AP3B1: variants seen among roughly 807,000 people sequenced by gnomAD.
AP3B1 encodes adaptor related protein complex 3 subunit beta 1.
Under a neutral mutation model 132.5 loss-of-function variants are expected in AP3B1, and 61 were observed. That is an observed-to-expected ratio of 0.46 (90% confidence interval 0.37 to 0.57). AP3B1 has a LOEUF of 0.57. Among genes scored for constraint, AP3B1 ranks in the 20% least tolerant of loss-of-function variants. The pLI is 0.00. For missense variants in AP3B1, 1,120 were observed against 1,289.4 expected (o/e 0.87, Z 2.01); for synonymous variants, 388 against 438.3 (o/e 0.89, Z 1.43).
chr5:78,154,982 C>T (rs764037867), intron 14 of AP3B1, among the ~76,000 whole-genome samples: 3 of 152,046 alleles, frequency 2.0e-5, no homozygotes, highest in South Asian at 2.1e-4. Context: ...TTTGGTGAGG[C>T]CATATTTTCC....
At chr5:78,254,086 TATC>T (rs1747755348) in intron 2 of AP3B1, among the ~76,000 whole-genome samples, 1 of 151,784 alleles carries the variant, frequency 6.6e-6, no homozygotes, top group African/African-American at 2.4e-5. Flanking sequence ...CAGAGTCTCT[TATC>T]AGCAGAATTG....
chr5:78,003,458 C>T (rs562533950), intron 26 of AP3B1: 1 of 798,116 alleles, frequency 1.3e-6, no homozygotes, highest in Non-Finnish European at 1.5e-6. Flanking sequence ...AGAAAAGGTA[C>T]CTTTCTCAAA....
intron 2 of AP3B1, among the ~76,000 whole-genome samples, chr5:78,248,406 T>C (rs1747466571): frequency 7.3e-6 from 1 of 136,096 alleles, no homozygotes; most frequent in Non-Finnish European, 1.5e-5. Context: ...GGCAGAAGAA[T>C]CACTTGAACC....
chr5:78,147,975 G>A (rs1192585430), intron 14 of AP3B1, among the ~76,000 whole-genome samples: 2 of 151,836 alleles, frequency 1.3e-5, no homozygotes, highest in Non-Finnish European at 2.9e-5. Flanking sequence ...GGAGGTTGCA[G>A]TGAGATGAGA....
intron 11 of AP3B1, among the ~76,000 whole-genome samples, chr5:78,169,549 C>A (rs1208368401): frequency 6.6e-6 from 1 of 152,112 alleles, no homozygotes; most frequent in Non-Finnish European, 1.5e-5. Context: ...CCACCTCAGC[C>A]TCCCAAGTAG....
At chr5:78,278,669 G>A (rs1446519287) in intron 1 of AP3B1, among the ~76,000 whole-genome samples, 2 of 147,530 alleles carry the variant, frequency 1.4e-5, no homozygotes, top group African/African-American at 5.1e-5. Flanking sequence ...TTACACAGTG[G>A]TTTAAAACAG....
At chr5:78,240,199 A>G (rs1426955961) in intron 3 of AP3B1, among the ~76,000 whole-genome samples, 1 of 152,214 alleles carries the variant, frequency 6.6e-6, no homozygotes, top group African/African-American at 2.4e-5. Flanking sequence ...AACAAATAGT[A>G]GCAGTAACAC....
intron 11 of AP3B1, among the ~76,000 whole-genome samples, chr5:78,171,202 G>A (rs749475330): frequency 3.9e-5 from 6 of 152,150 alleles, no homozygotes; most frequent in Non-Finnish European, 8.8e-5. Context: ...GCTTAGGATT[G>A]TCTTGGCAAT....
chr5:78,160,591 G>T (rs921224543), intron 13 of AP3B1, among the ~76,000 whole-genome samples: 5 of 152,002 alleles, frequency 3.3e-5, no homozygotes, highest in African/African-American at 1.2e-4. Flanking sequence ...GAGGTTTAAA[G>T]ATTCATTATT....
intron 11 of AP3B1, among the ~76,000 whole-genome samples, chr5:78,174,140 G>A (rs182810344): frequency 1.3e-3 from 193 of 152,068 alleles, no homozygotes; most frequent in African/African-American, 4.1e-3. Context: ...TGCTCCTTTC[G>A]CTCGGAGAAG....
intron 3 of AP3B1, among the ~76,000 whole-genome samples, chr5:78,233,267 C>G (rs1277729689): frequency 7.0e-6 from 1 of 142,364 alleles, no homozygotes. Context: ...GCGTTTTGCT[C>G]TTGTTGCCCA....
At chr5:78,101,861 T>C (rs1751140731) in intron 20 of AP3B1, among the ~76,000 whole-genome samples, 2 of 152,218 alleles carry the variant, frequency 1.3e-5, no homozygotes, top group African/African-American at 4.8e-5. Flanking sequence ...GAGTAGGGCG[T>C]TAAATATAAT....
At chr5:78,159,482 A>C (rs1743298287) in intron 13 of AP3B1, among the ~76,000 whole-genome samples, 1 of 152,062 alleles carries the variant, frequency 6.6e-6, no homozygotes, top group Admixed American at 6.5e-5. Flanking sequence ...TTCTAGGGGA[A>C]ATCTTTTCCT....
intron 20 of AP3B1, among the ~76,000 whole-genome samples, chr5:78,107,915 T>C (rs1751407264): frequency 6.6e-6 from 1 of 152,244 alleles, no homozygotes; most frequent in Non-Finnish European, 1.5e-5. Context: ...GTGTGTTACA[T>C]TGATCTTTCA....
intron 2 of AP3B1, among the ~76,000 whole-genome samples, chr5:78,241,432 A>T (rs765942165): frequency 3.8e-4 from 58 of 152,304 alleles, no homozygotes; most frequent in Middle Eastern, 6.8e-3. Flanking sequence ...AAAAATATTT[A>T]AAAATATTTT....
At chr5:78,024,762 C>T (rs1390576072) in intron 24 of AP3B1, among the ~76,000 whole-genome samples, 1 of 151,824 alleles carries the variant, frequency 6.6e-6, no homozygotes, top group Non-Finnish European at 1.5e-5. Context: ...GAGGTTTCAC[C>T]ATGTTGGCCA....
chr5:78,183,188 A>G (rs1210337481), intron 7 of AP3B1, among the ~76,000 whole-genome samples: 1 of 152,228 alleles, frequency 6.6e-6, no homozygotes, highest in Non-Finnish European at 1.5e-5. Flanking sequence ...AACAATGAGT[A>G]AAATCCCTCT....
intron 3 of AP3B1, among the ~76,000 whole-genome samples, chr5:78,239,955 C>T (rs1369045471): frequency 6.6e-6 from 1 of 152,076 alleles, no homozygotes; most frequent in Non-Finnish European, 1.5e-5. Context: ...AAAATCATCA[C>T]GCAAAATAGA....
chr5:78,066,541 A>G (rs1178742285), intron 22 of AP3B1, among the ~76,000 whole-genome samples: 1 of 152,230 alleles, frequency 6.6e-6, no homozygotes, highest in African/African-American at 2.4e-5. Context: ...CAATAGCCAA[A>G]CAGACCAACC....
Sources: allele counts gnomAD v4.1 joint callset (sites outside exome capture counted in the v4.1 genomes callset), GRCh38; gene constraint gnomAD v4.1.1; transcripts MANE v1.5; gene names NCBI Gene and HGNC (gene_info 2026-07-23, HGNC 2026-07-21).